Variants in SLC1A3 observed in about 807,000 individuals in gnomAD.
SLC1A3 encodes the protein solute carrier family 1 member 3, also known as excitatory amino acid transporter 1.
In SLC1A3, 21 loss-of-function variants were observed where a neutral mutation model predicts 48.1. The ratio of observed to expected loss-of-function variants is 0.44; its 90% CI spans 0.31 to 0.63. The LOEUF is 0.63. Ranked by LOEUF, SLC1A3 falls within the 20% of genes least tolerant of loss-of-function variation. SLC1A3 has a pLI of 0.08. For synonymous variants in SLC1A3, 239 were observed against 251.4 expected (o/e 0.95, Z 0.47); for missense variants, 546 against 689.0 (o/e 0.79, Z 2.32).
At chr5:36,611,280 T>TAA (rs11336594) in intron 2 of SLC1A3, among the ~76,000 whole-genome samples, 3,310 of 132,432 alleles carry the variant, frequency 0.025, 129 homozygotes, top group African/African-American at 0.082. Flanking sequence ...TTGCTTTTAG[T>TAA]AAAAAAAAAA....
In SLC1A3 at chr5:36,644,014, A is replaced by AAAT. The variant is rs1740734849; in HGVS notation, c.319+14429_319+14430insTAA. 1.1e-3 allele frequency among the ~76,000 whole-genome samples: 109 copies of AAAT among 101,790 alleles called. 1 individual carries two copies. Among genetic ancestry groups the AAAT allele is most frequent in the Middle Eastern group, 5.4e-3 (1 of 184 alleles). 66.8% of individuals were successfully genotyped at this position (101,790 alleles called of 152,430 possible). ...GCAACAGGGCAAGACTCCGTCTCAA[A>AAAT]AAATAAATAAATAAATAAATAAATA... is the stretch of plus-strand genomic sequence containing the variant. On this transcript the variant is annotated intron_variant, in intron 3 of 9. Transcript: ENST00000265113.
intron 3 of SLC1A3, among the ~76,000 whole-genome samples, chr5:36,637,655 A>C (rs1366523279): frequency 6.6e-6 from 1 of 152,196 alleles, no homozygotes; most frequent in African/African-American, 2.4e-5. Flanking sequence ...TTCTGCTGAT[A>C]TCATGGTTTC....
intron 3 of SLC1A3, 57 bp downstream of exon 3, chr5:36,629,644 G>C: frequency 7.4e-6 from 11 of 1,488,960 alleles, no homozygotes; most frequent in Admixed American, 3.4e-5. Flanking sequence ...TATTGCAAAA[G>C]ATTGCTTAGA....
intron 3 of SLC1A3, chr5:36,668,628 G>A (rs1741859558): frequency 6.6e-6 from 1 of 152,176 alleles, no homozygotes; most frequent in Non-Finnish European, 1.5e-5. Context: ...GGGCCAATAT[G>A]CAGAGGTGAG....
At chr5:36,654,596 C>A (rs1741215837) in intron 3 of SLC1A3, among the ~76,000 whole-genome samples, 1 of 152,154 alleles carries the variant, frequency 6.6e-6, no homozygotes, top group Admixed American at 6.5e-5. Flanking sequence ...CCCTAGCAAG[C>A]CTTGTATAGC....
chr5:36,610,952 G>A (rs1273672000), intron 2 of SLC1A3, among the ~76,000 whole-genome samples: 1 of 152,132 alleles, frequency 6.6e-6, no homozygotes, highest in Non-Finnish European at 1.5e-5. Flanking sequence ...TCAAAGACTT[G>A]GAATAGCAAA....
intron 3 of SLC1A3, among the ~76,000 whole-genome samples, chr5:36,637,835 A>G (rs1740453102): frequency 6.6e-6 from 1 of 152,148 alleles, no homozygotes; most frequent in Non-Finnish European, 1.5e-5. Flanking sequence ...CATCAGATTA[A>G]TTGCACTACA....
chr5:36,612,682 T>A, intron 2 of SLC1A3: 1 of 406,808 alleles, frequency 2.5e-6, no homozygotes, highest in Non-Finnish European at 4.9e-6. Flanking sequence ...TTAAGTGTAT[T>A]AACTTTATTT....
intron 5 of SLC1A3, 32 bp downstream of exon 5, chr5:36,674,123 T>C (rs200014819): frequency 4.7e-4 from 738 of 1,584,302 alleles, no homozygotes; most frequent in Non-Finnish European, 6.0e-4. Flanking sequence ...ACTTGCCTTT[T>C]AAATTCCTCT....
chr5:36,679,507 T>C (rs1441395378), intron 6 of SLC1A3, 120 bp from the exon 7 acceptor site: 3 of 769,430 alleles, frequency 3.9e-6, no homozygotes, highest in Admixed American at 3.7e-5. Context: ...CCTAATGGTA[T>C]CCTGGGCAGG....
At chr5:36,598,024 C>T (rs1214816693) in intron 1 of SLC1A3, among the ~76,000 whole-genome samples, 2 of 152,170 alleles carry the variant, frequency 1.3e-5, no homozygotes, top group African/African-American at 4.8e-5. Flanking sequence ...CTTCTGTATC[C>T]CACCTTCCCT....
chr5:36,606,790 G>C (rs551913954), intron 1 of SLC1A3, 55 bp downstream of exon 1: 8 of 152,296 alleles, frequency 5.3e-5, no homozygotes, highest in Non-Finnish European at 1.2e-4. Flanking sequence ...TCACTTCTCT[G>C]CCGATGTATT....
chr5:36,628,560 C>T (rs760578435), intron 2 of SLC1A3, among the ~76,000 whole-genome samples: 138 of 152,256 alleles, frequency 9.1e-4, no homozygotes, highest in Admixed American at 5.9e-4. Context: ...ATTTACAACA[C>T]TGGCATAAGT....
rs1580055279 is a variant in SLC1A3, at chr5:36,687,652, T to C, written c.*1383T>C. 1 of 152,524 alleles carries C rather than the reference T, an allele frequency of 6.6e-6. No individual in the cohort carries two copies. The highest frequency in any genetic ancestry group is 1.9e-4 in the East Asian group (1 of 5,190). 9.4% of individuals were successfully genotyped at this position (152,524 alleles called of 1,614,324 possible). A position where few individuals can be genotyped will look rare whatever the true frequency, so the allele number is the denominator to read the frequency against. The stretch of plus-strand genomic sequence containing the variant: ...ATATTTATTTGTTTTGGAATCCCAC[T>C]TATCAAATCATTCAAAACTTTCAGC... On this transcript the variant is annotated 3_prime_UTR_variant, in exon 10 of 10. Transcript: ENST00000265113.
rs774369059 is a variant in SLC1A3 at position 36,679,686 on chromosome 5, T to C, written c.920T>C (p.Met307Thr). The change falls in exon 7 of 10, where the codon ATG (methionine) becomes ACG (threonine). Residue 307 changes from methionine to threonine, a missense_variant. Transcript: ENST00000265113. ...IAGKIVEMED[M>T]GVIGGQLAMY... is the part of the protein sequence containing the mutation. ...GGGAAGATTGTGGAGATGGAAGACA[T>C]GGGTGTGATTGGGGGGCAGCTTGCC... 7 of 1,614,172 alleles carry C rather than the reference T, an allele frequency of 4.3e-6. No homozygotes were observed. The South Asian group carries it at 7.7e-5, about 18-fold the overall frequency.
At chr5:36,640,462 G>A (rs1000371907) in intron 3 of SLC1A3, among the ~76,000 whole-genome samples, 3 of 152,182 alleles carry the variant, frequency 2.0e-5, no homozygotes, top group African/African-American at 7.2e-5. Context: ...TGGGGATATA[G>A]GCTTGCCATC....
At chr5:36,674,503 GTT>G (rs11361098) in intron 5 of SLC1A3, among the ~76,000 whole-genome samples, 12 of 147,500 alleles carry the variant, frequency 8.1e-5, no homozygotes, top group Admixed American at 5.4e-4. Context: ...TCAATGGACT[GTT>G]TTTTTTTTTC....
intron 3 of SLC1A3, among the ~76,000 whole-genome samples, chr5:36,636,681 G>A (rs371280014): frequency 8.6e-5 from 13 of 150,626 alleles, no homozygotes; most frequent in African/African-American, 3.2e-4. Context: ...CCAGAGGTGG[G>A]GCCCTGTGAA....
At chr5:36,628,994 A>G (rs1740021588) in intron 2 of SLC1A3, among the ~76,000 whole-genome samples, 1 of 152,228 alleles carries the variant, frequency 6.6e-6, no homozygotes, top group Non-Finnish European at 1.5e-5. Context: ...ACTGGAAAAA[A>G]AAATAAAATC....
Sources: gnomAD v4.1 joint callset for allele counts (sites outside exome capture counted in the v4.1 genomes callset) on GRCh38, gnomAD v4.1.1 for gene constraint, MANE v1.5 for transcripts, NCBI Gene and HGNC (gene_info 2026-07-23, HGNC 2026-07-21) for gene names.